The following PAQR7 variants were observed in gnomAD, a reference collection of about 807,000 sequenced individuals.
PAQR7 encodes membrane progestin receptor alpha.
PAQR7 carries 14 observed loss-of-function variants against 24.6 expected under a neutral mutation model. The ratio of observed to expected loss-of-function variants is 0.57; its 90% CI spans 0.38 to 0.89. The LOEUF is 0.89. Ranked by LOEUF, PAQR7 falls within the 40% of genes least tolerant of loss-of-function variation. PAQR7 has a pLI of 0.00. For synonymous variants in PAQR7, 189 were observed against 198.8 expected (o/e 0.95, Z 0.42); for missense variants, 351 against 444.0 (o/e 0.79, Z 1.88).
Position 25,863,909 on chromosome 1 carries a change from C to G in PAQR7, c.-22-48G>C, listed in dbSNP as rs1315185558. 2 of 1,441,564 alleles carry G rather than the reference C, an allele frequency of 1.4e-6. No individual in the cohort carries two copies. 89.3% of individuals were successfully genotyped at this position (1,441,564 alleles called of 1,614,324 possible). On this transcript the variant is annotated intron_variant, in intron 2 of 2. Transcript: ENST00000675840. This position sits in a 1 kb window ranked among gnomAD's most constrained non-coding sequence, Gnocchi z 6.1. Reference sequence around the variant, plus strand: ...GTCAGGGGCCTGGTGTCCTCACCCCCACGAGCAGCAGCTGGGGGGCTCTGA... The same window carrying G: ...GTCAGGGGCCTGGTGTCCTCACCCCGACGAGCAGCAGCTGGGGGGCTCTGA...
At position 25,863,618 on chromosome 1, in the gene PAQR7, A is replaced by AT; in HGVS notation, c.221dup (p.Asn74LysfsTer59). On this transcript the variant is annotated frameshift_variant, in exon 3 of 3. Transcript: ENST00000675840. LOFTEE classifies it high-confidence loss of function. This position sits in a 1 kb window ranked among gnomAD's most constrained non-coding sequence, Gnocchi z 6.1. ...GGGCCGCCAGCAGGTGGGTCCAGAC[A>AT]TTCACGGCCTCGTTGTGCTGCTGGA... is the stretch of plus-strand genomic sequence containing the variant. The AT allele has an allele frequency of 6.2e-7, 1 of 1,614,194 alleles. No individual in the cohort carries two copies. Among genetic ancestry groups the AT allele is most frequent in the Non-Finnish European group, 8.5e-7 (1 of 1,180,020 alleles).
intron 1 of PAQR7, among the ~76,000 whole-genome samples, chr1:25,871,506 C>T (rs1285141175): frequency 6.6e-6 from 1 of 152,102 alleles, no homozygotes; most frequent in Non-Finnish European, 1.5e-5. Context: ...AGTGGGAGTG[C>T]CTCTGTCAGC....
chr1:25,868,366 G>C (rs151039196), intron 2 of PAQR7, among the ~76,000 whole-genome samples: 141 of 152,220 alleles, frequency 9.3e-4, no homozygotes, highest in African/African-American at 3.1e-3. Context: ...CCAGTCCTGT[G>C]CTCCATATCC....
rs552087905 is a variant in PAQR7, at chr1:25,863,399, G to A, written c.441C>T (p.Ala147=). The change falls in exon 3 of 3, where the codon GCC becomes GCT. Residue 147 remains alanine (A), a synonymous_variant. Transcript: ENST00000675840. The surrounding 1 kb of genome is among the most constrained non-coding windows in gnomAD (Gnocchi z 6.1). ...CCAAGGCACTGCCAAACTGGTACAC[G>A]GCCACCCCCACATAGTCCAGGAAGA... ...SFFFLDYVGV[A]VYQFGSALAH... The A allele has an allele frequency of 1.9e-4, 304 of 1,614,192 alleles. No homozygotes were observed. The African/African-American group carries it at 3.6e-3, about 19-fold the overall frequency.
intron 1 of PAQR7, among the ~76,000 whole-genome samples, chr1:25,873,987 G>A (rs1304959919): frequency 2.0e-5 from 3 of 151,956 alleles, no homozygotes; most frequent in Non-Finnish European, 2.9e-5. Flanking sequence ...GGCTTCAAGC[G>A]ATTCTCCTGC....
chr1:25,867,128 C>G (rs1166374674), intron 2 of PAQR7, among the ~76,000 whole-genome samples: 1 of 152,166 alleles, frequency 6.6e-6, no homozygotes, highest in Non-Finnish European at 1.5e-5. Context: ...TGGACTCAAG[C>G]AATCCTCCTA....
At chr1:25,865,294 G>A (rs1345531421) in intron 2 of PAQR7, among the ~76,000 whole-genome samples, 20 of 152,166 alleles carry the variant, frequency 1.3e-4, no homozygotes. Flanking sequence ...TTGTTCATGT[G>A]AGCTCATCAA....
intron 2 of PAQR7, among the ~76,000 whole-genome samples, chr1:25,864,199 A>T (rs576519238): frequency 1.3e-5 from 2 of 152,276 alleles, no homozygotes; most frequent in South Asian, 4.1e-4. Context: ...TTTCTCTCCT[A>T]AAGAACAGAT....
At position 25,863,118 on chromosome 1, in the gene PAQR7, T is replaced by A. The variant is rs1318735674; in HGVS notation, c.722A>T (p.His241Leu). Residue 241 changes from histidine to leucine, a missense_variant, in exon 3 of 3, where the codon CAC (histidine) becomes CTC (leucine). Physicochemically the swap from His to Leu is moderately conservative, Grantham distance 99. Transcript: ENST00000675840. This position sits in a 1 kb window ranked among gnomAD's most constrained non-coding sequence, Gnocchi z 6.1. Reference protein sequence around the residue: ...PTTDDPALLYHKCQVVFFLLA... With the variant: ...PTTDDPALLYLKCQVVFFLLA... ...CAGAAAGAAGACCACCTGGCACTTG[T>A]GGTAGAGAAGAGCTGGATCATCCGT... The A allele has an allele frequency of 1.2e-6, 2 of 1,614,048 alleles. No individual in the cohort carries two copies. Among genetic ancestry groups the A allele is most frequent in the Admixed American group, 3.3e-5 (2 of 60,020 alleles).
intron 1 of PAQR7, among the ~76,000 whole-genome samples, chr1:25,874,073 G>C (rs1035942637): frequency 4.6e-5 from 7 of 151,964 alleles, no homozygotes; most frequent in African/African-American, 1.5e-4. Context: ...AGTAGAGATG[G>C]GGTTTCTCCA....
At chr1:25,871,945 G>C (rs533533232) in intron 1 of PAQR7, among the ~76,000 whole-genome samples, 4 of 152,328 alleles carry the variant, frequency 2.6e-5, no homozygotes, top group Non-Finnish European at 1.5e-5. Flanking sequence ...AGTGAGCCTG[G>C]AGAACTGGAG....
chr1:25,873,583 C>T (rs957261600), intron 1 of PAQR7, among the ~76,000 whole-genome samples: 2 of 151,320 alleles, frequency 1.3e-5, no homozygotes, highest in African/African-American at 2.4e-5. Context: ...AAATAAGTAA[C>T]TATTTCTTTT....
chr1:25,867,189 G>C (rs1356885476), intron 2 of PAQR7, among the ~76,000 whole-genome samples: 1 of 151,534 alleles, frequency 6.6e-6, no homozygotes. Flanking sequence ...ATGCTCAGCT[G>C]ATTTTTTAAA....
rs2124527296 is a variant in PAQR7 at position 25,863,928 on chromosome 1, G to A, written c.-22-67C>T. ...CACCCCCACGAGCAGCAGCTGGGGG[G>A]CTCTGATGCCCAAATCCTACTCCCT... On this transcript the variant is annotated intron_variant, in intron 2 of 2. Coordinates refer to ENST00000675840, the MANE Select transcript of PAQR7 (RefSeq NM_178422.6). The surrounding 1 kb of genome is among the most constrained non-coding windows in gnomAD (Gnocchi z 6.1). The A allele has an allele frequency of 8.0e-7, 1 of 1,256,398 alleles. No homozygotes were observed. Among genetic ancestry groups the A allele is most frequent in the Non-Finnish European group, 1.1e-6 (1 of 914,412 alleles). 77.8% of individuals were successfully genotyped at this position (1,256,398 alleles called of 1,614,324 possible). A position where few individuals can be genotyped will look rare whatever the true frequency, so the allele number is the denominator to read the frequency against.
intron 1 of PAQR7, among the ~76,000 whole-genome samples, chr1:25,871,609 C>G (rs1053661103): frequency 6.6e-6 from 1 of 152,086 alleles, no homozygotes; most frequent in Non-Finnish European, 1.5e-5. Flanking sequence ...CCTCACCTCT[C>G]TCCTTAACGA....
chr1:25,865,425 A>G (rs935682957), intron 2 of PAQR7, among the ~76,000 whole-genome samples: 12 of 152,222 alleles, frequency 7.9e-5, no homozygotes, highest in African/African-American at 2.9e-4. Context: ...CTGTAATCCC[A>G]GCACTTTGGG....
At chr1:25,868,248 C>T (rs1364587360) in intron 2 of PAQR7, among the ~76,000 whole-genome samples, 1 of 152,200 alleles carries the variant, frequency 6.6e-6, no homozygotes, top group Non-Finnish European at 1.5e-5. Context: ...CCAGAGTCCT[C>T]CCACCCAGCA....
chr1:25,871,436 CAGA>C (rs2048605005), intron 1 of PAQR7, among the ~76,000 whole-genome samples: 1 of 152,154 alleles, frequency 6.6e-6, no homozygotes, highest in South Asian at 2.1e-4. Flanking sequence ...ACATGTCTTG[CAGA>C]AGGTTTGGGA....
rs2124527287 is a variant in PAQR7, at chr1:25,863,924, G to A, written c.-22-63C>T. 7.5e-7 allele frequency: 1 copy of A among 1,337,728 alleles called. No homozygotes were observed. Among genetic ancestry groups the A allele is most frequent in the South Asian group, 1.4e-5 (1 of 70,616 alleles). 82.9% of individuals were successfully genotyped at this position (1,337,728 alleles called of 1,614,324 possible). A position where few individuals can be genotyped will look rare whatever the true frequency, so the allele number is the denominator to read the frequency against. On this transcript the variant is annotated intron_variant, in intron 2 of 2. Transcript: ENST00000675840. The surrounding 1 kb of genome is among the most constrained non-coding windows in gnomAD (Gnocchi z 6.1). ...TCCTCACCCCCACGAGCAGCAGCTG[G>A]GGGGCTCTGATGCCCAAATCCTACT...
Sources: allele counts gnomAD v4.1 joint callset (sites outside exome capture counted in the v4.1 genomes callset), GRCh38; gene constraint gnomAD v4.1.1; non-coding constraint Gnocchi (gnomAD v3.1); transcripts MANE v1.5; gene names NCBI Gene and HGNC (gene_info 2026-07-23, HGNC 2026-07-21).